Variants in DCC observed in about 807,000 individuals in gnomAD.
DCC encodes netrin receptor DCC.
A neutral mutation model predicts 172.5 loss-of-function variants in DCC; 58 were observed. That is an observed-to-expected ratio of 0.34 (90% confidence interval 0.27 to 0.42). DCC has a LOEUF of 0.42. Ranked by LOEUF, DCC falls within the 10% of genes least tolerant of loss-of-function variation. The pLI is 1.00. For synonymous variants in DCC, 709 were observed against 644.5 expected (o/e 1.10, Z -1.52); for missense variants, 1,740 against 1,791.0 (o/e 0.97, Z 0.51).
chr18:52,900,849 C>G (rs1012783314), intron 2 of DCC, among the ~76,000 whole-genome samples: 5 of 152,154 alleles, frequency 3.3e-5, no homozygotes, highest in African/African-American at 1.2e-4. Context: ...TTCTGGGAAT[C>G]AAGGTTTTCC....
intron 27 of DCC, among the ~76,000 whole-genome samples, chr18:53,508,722 G>A (rs747629782): frequency 6.6e-6 from 1 of 152,152 alleles, no homozygotes; most frequent in Non-Finnish European, 1.5e-5. Context: ...GATAAGTTGA[G>A]CCCAGTGAAG....
intron 13 of DCC, among the ~76,000 whole-genome samples, chr18:53,305,952 T>C (rs2057195644): frequency 6.6e-6 from 1 of 152,216 alleles, no homozygotes; most frequent in Non-Finnish European, 1.5e-5. Context: ...ATAAAATTTT[T>C]ATTCATACTA....
At chr18:52,924,967 A>C (rs1270786083) in intron 4 of DCC, among the ~76,000 whole-genome samples, 1 of 131,884 alleles carries the variant, frequency 7.6e-6, no homozygotes, top group African/African-American at 2.7e-5. Context: ...GGACTAGATT[A>C]TCTATCATTT....
At chr18:52,637,081 T>C (rs2034795665) in intron 1 of DCC, among the ~76,000 whole-genome samples, 1 of 152,120 alleles carries the variant, frequency 6.6e-6, no homozygotes, top group South Asian at 2.1e-4. Context: ...AATCACTACA[T>C]TTTGGCTCAC....
At chr18:52,992,090 A>C (rs2041403060) in intron 5 of DCC, among the ~76,000 whole-genome samples, 1 of 152,188 alleles carries the variant, frequency 6.6e-6, no homozygotes, top group Admixed American at 6.6e-5. Flanking sequence ...CTGGAAACCA[A>C]CTGACTTGCC....
chr18:52,465,118 T>C (rs570870232), intron 1 of DCC, among the ~76,000 whole-genome samples: 132 of 152,200 alleles, frequency 8.7e-4, no homozygotes, highest in Non-Finnish European at 1.5e-3. Flanking sequence ...AAGTGATGGG[T>C]ATGTCAGAAA....
At chr18:52,733,531 G>T (rs753598121) in intron 1 of DCC, among the ~76,000 whole-genome samples, 1 of 152,018 alleles carries the variant, frequency 6.6e-6, no homozygotes. Flanking sequence ...GTCTCACTCT[G>T]TTGCCCGAGC....
At chr18:52,519,786 G>A (rs2031752499) in intron 1 of DCC, among the ~76,000 whole-genome samples, 1 of 152,188 alleles carries the variant, frequency 6.6e-6, no homozygotes, top group South Asian at 2.1e-4. Context: ...AATTGCCATT[G>A]CAATTGAAAG....
chr18:53,183,081 TA>T (rs1211065147), intron 9 of DCC, among the ~76,000 whole-genome samples: 6 of 152,182 alleles, frequency 3.9e-5, no homozygotes, highest in African/African-American at 1.4e-4. Context: ...TAAAATTACA[TA>T]GCTTGTATAC....
chr18:53,503,401 G>T (rs1185880639), intron 27 of DCC, among the ~76,000 whole-genome samples: 1 of 151,998 alleles, frequency 6.6e-6, no homozygotes, highest in Non-Finnish European at 1.5e-5. Flanking sequence ...TTATAATAGA[G>T]TGCTTCCATT....
chr18:53,328,857 C>G (rs868862353), intron 14 of DCC, among the ~76,000 whole-genome samples: 1 of 152,184 alleles, frequency 6.6e-6, no homozygotes, highest in Admixed American at 6.5e-5. Context: ...GCATGAGCCA[C>G]TGCACCTGGC....
intron 5 of DCC, among the ~76,000 whole-genome samples, chr18:53,046,479 G>A (rs1298813584): frequency 4.0e-5 from 6 of 148,292 alleles, no homozygotes; most frequent in Non-Finnish European, 4.5e-5. Context: ...TTTAAAACTG[G>A]AAAAAAAAAA....
intron 13 of DCC, among the ~76,000 whole-genome samples, chr18:53,318,180 G>A (rs1018996479): frequency 3.4e-4 from 52 of 152,220 alleles, no homozygotes; most frequent in African/African-American, 1.2e-3. Flanking sequence ...AGTATGTTGT[G>A]TCTTTGTTCT....
intron 16 of DCC, among the ~76,000 whole-genome samples, chr18:53,389,661 C>T (rs148326886): frequency 0.026 from 3,924 of 152,168 alleles, 70 homozygotes; most frequent in Middle Eastern, 0.065. Flanking sequence ...AAAACTTGGC[C>T]AAGGATAGAA....
intron 1 of DCC, among the ~76,000 whole-genome samples, chr18:52,615,697 A>C (rs931203982): frequency 6.6e-6 from 1 of 152,180 alleles, no homozygotes; most frequent in Non-Finnish European, 1.5e-5. Flanking sequence ...AGTTTGGTTA[A>C]GTACCCAAAA....
intron 9 of DCC, among the ~76,000 whole-genome samples, chr18:53,187,890 A>C (rs1240319307): frequency 6.6e-6 from 1 of 152,192 alleles, no homozygotes; most frequent in Admixed American, 6.5e-5. Context: ...TTTTAAGCCT[A>C]TGACAAGCAA....
intron 1 of DCC, among the ~76,000 whole-genome samples, chr18:52,531,395 G>GT: frequency 6.6e-6 from 1 of 152,278 alleles, no homozygotes; most frequent in South Asian, 2.1e-4. Flanking sequence ...CCAAAACTTA[G>GT]TTAACACCAG....
chr18:52,848,387 G>T (rs755779541), intron 2 of DCC, among the ~76,000 whole-genome samples: 3 of 151,960 alleles, frequency 2.0e-5, no homozygotes, highest in Non-Finnish European at 4.4e-5. Context: ...ATGCCCGGCC[G>T]ACTTTTCTAA....
At chr18:53,215,520 C>T in intron 11 of DCC, 28 bp from the exon 12 acceptor site, 2 of 1,603,114 alleles carry the variant, frequency 1.2e-6, no homozygotes, top group South Asian at 1.1e-5. Context: ...TTGGCAGTAA[C>T]TGTGACAATT....
Sources: gnomAD v4.1 joint callset for allele counts (sites outside exome capture counted in the v4.1 genomes callset) on GRCh38, gnomAD v4.1.1 for gene constraint, MANE v1.5 for transcripts, NCBI Gene and HGNC (gene_info 2026-07-23, HGNC 2026-07-21) for gene names.